TLK2: variants seen among roughly 807,000 people sequenced by gnomAD.
TLK2 encodes the protein serine/threonine-protein kinase tousled-like 2.
Under a neutral mutation model 117.3 loss-of-function variants are expected in TLK2, and 6 were observed. The observed-to-expected ratio is 0.05, with a 90% CI of 0.03 to 0.10. The LOEUF (loss-of-function observed/expected upper bound fraction) is 0.10. Ranked by LOEUF, TLK2 falls within the 10% of genes least tolerant of loss-of-function variation. The probability of loss-of-function intolerance (pLI) is 1.00; values close to 1 mark genes in which losing one functional copy is unlikely to be tolerated. For missense variants in TLK2, 299 were observed against 901.2 expected, an observed-to-expected ratio of 0.33 and a Z score of 8.56; for synonymous variants, 257 against 316.7, an observed-to-expected ratio of 0.81 and a Z score of 2.00.
chr17:62,547,880 C>T (rs1322959263), intron 7 of TLK2, among the ~76,000 whole-genome samples: 1 of 152,158 alleles, frequency 6.6e-6, no homozygotes, highest in Non-Finnish European at 1.5e-5. Flanking sequence ...TGATCAATAA[C>T]CAATGGAGGG....
chr17:62,557,468 C>T (rs537782336), intron 9 of TLK2, among the ~76,000 whole-genome samples: 3 of 152,038 alleles, frequency 2.0e-5, no homozygotes, highest in African/African-American at 7.2e-5. Context: ...TTTTTATTTA[C>T]TATTGTTATT....
intron 2 of TLK2, among the ~76,000 whole-genome samples, chr17:62,498,132 G>T (rs1184836653): frequency 6.6e-6 from 1 of 152,170 alleles, no homozygotes; most frequent in Admixed American, 6.6e-5. Flanking sequence ...AATTCTGTGT[G>T]TGTAAAATAG....
intron 16 of TLK2, among the ~76,000 whole-genome samples, chr17:62,595,674 CTG>C (rs2082425780): frequency 1.3e-5 from 2 of 151,822 alleles, no homozygotes; most frequent in African/African-American, 4.8e-5. Flanking sequence ...CAGTGGATGA[CTG>C]TATCAAATTC....
At position 62,562,608 on chromosome 17, in the gene TLK2, T is replaced by A. The variant is rs2079382557; in HGVS notation, c.832-2393T>A. On this transcript the variant is annotated intron_variant, in intron 10 of 21. Transcript: ENST00000346027. ...AACTCAAGGTAAAACCAGCGTGAGA[T>A]AGTACTACAAACCCAGTAGAATGAC... Among the ~76,000 whole-genome samples the A allele has an allele frequency of 1.3e-5, 2 of 152,124 alleles. 1 individual carries two copies. Among genetic ancestry groups the A allele is most frequent in the South Asian group, 4.1e-4 (2 of 4,824 alleles).
intron 17 of TLK2, among the ~76,000 whole-genome samples, chr17:62,597,936 CCT>C (rs1257339140): frequency 1.3e-5 from 2 of 152,186 alleles, no homozygotes; most frequent in Non-Finnish European, 2.9e-5. Flanking sequence ...GTTCCCTCAG[CCT>C]CCCAGGGTAA....
chr17:62,564,827 A>G (rs2079616448), intron 10 of TLK2, among the ~76,000 whole-genome samples, 174 bp from the exon 11 acceptor site: 1 of 152,162 alleles, frequency 6.6e-6, no homozygotes, highest in African/African-American at 2.4e-5. Flanking sequence ...TATCTTGTCT[A>G]CTTTGTTTGA....
chr17:62,556,363 A>AT (rs923142111), intron 9 of TLK2, among the ~76,000 whole-genome samples: 2 of 151,914 alleles, frequency 1.3e-5, no homozygotes, highest in African/African-American at 4.8e-5. Flanking sequence ...TATCAGCAGT[A>AT]TTTTTTTTAT....
intron 2 of TLK2, chr17:62,516,792 C>A: frequency 7.3e-7 from 1 of 1,365,626 alleles, no homozygotes; most frequent in Admixed American, 2.0e-5. Flanking sequence ...GGTCCGGGGC[C>A]GGGGCTGGAA....
At chr17:62,489,085 C>T (rs1268852282) in intron 2 of TLK2, among the ~76,000 whole-genome samples, 4 of 151,868 alleles carry the variant, frequency 2.6e-5, no homozygotes, top group Non-Finnish European at 5.9e-5. Flanking sequence ...ACAGTTTTGC[C>T]ATGTTGCCCA....
At chr17:62,583,337 C>T (rs892546043) in intron 15 of TLK2, among the ~76,000 whole-genome samples, 2 of 152,066 alleles carry the variant, frequency 1.3e-5, no homozygotes, top group East Asian at 1.9e-4. Flanking sequence ...TCAAATGATC[C>T]GCCCATCTCT....
At chr17:62,597,721 T>C (rs764144879) in intron 17 of TLK2, among the ~76,000 whole-genome samples, 4 of 152,144 alleles carry the variant, frequency 2.6e-5, no homozygotes, top group Non-Finnish European at 4.4e-5. Context: ...ATTTTATAGG[T>C]GGATTTTGAG....
At chr17:62,546,336 T>A (rs1170695656) in intron 7 of TLK2, among the ~76,000 whole-genome samples, 1 of 86,552 alleles carries the variant, frequency 1.2e-5, no homozygotes, top group Non-Finnish European at 2.4e-5. Flanking sequence ...ATTTTGAGTT[T>A]GTTGATTGTT....
chr17:62,559,924 A>G (rs1394465845), intron 9 of TLK2, 92 bp from the exon 10 acceptor site: 2 of 857,688 alleles, frequency 2.3e-6, no homozygotes, highest in African/African-American at 3.4e-5. Context: ...ATAAAACAAC[A>G]TATAGAAATG....
Position 62,564,535 on chromosome 17 carries a change from CAA to C in TLK2, c.832-444_832-443del, listed in dbSNP as rs58856005. On this transcript the variant is annotated intron_variant, in intron 10 of 21. Transcript: ENST00000346027. The stretch of plus-strand genomic sequence containing the variant: ...TGGGCAACAGAGTGAGACTTCGTCT[CAA>C]AAAAAAAAAAAAAAAAAAAAATTAT... 6.9e-3 allele frequency among the ~76,000 whole-genome samples: 437 copies of C among 63,304 alleles called. 2 individuals carry two copies. Among genetic ancestry groups the C allele is most frequent in the African/African-American group, 0.024 (356 of 15,096 alleles). The allele number at this position is 63,304 out of a possible 152,430, so 41.5% of individuals were successfully genotyped here.
intron 14 of TLK2, among the ~76,000 whole-genome samples, chr17:62,578,826 A>G (rs1332003089): frequency 6.6e-6 from 1 of 152,214 alleles, no homozygotes; most frequent in Non-Finnish European, 1.5e-5. Flanking sequence ...ATGAATAAAG[A>G]TTACTAAAAC....
rs1018454350 is a variant in TLK2 at position 62,561,460 on chromosome 17, T to A, written c.831+1334T>A. 2.0e-4 allele frequency among the ~76,000 whole-genome samples: 30 copies of A among 152,318 alleles called. 1 individual carries two copies. Among genetic ancestry groups the A allele is most frequent in the African/African-American group, 7.2e-4 (30 of 41,578 alleles). Reference sequence around the variant, plus strand: ...CTTCTGACCTCAAGTGATCCACCCGTCTCGGCCTCCCAAAGTGCTGGGATT... The same window carrying A: ...CTTCTGACCTCAAGTGATCCACCCGACTCGGCCTCCCAAAGTGCTGGGATT... On this transcript the variant is annotated intron_variant, in intron 10 of 21. Coordinates refer to ENST00000346027, the MANE Select transcript of TLK2 (RefSeq NM_006852.6).
chr17:62,563,939 G>A lies in TLK2; in HGVS notation c.832-1062G>A, dbSNP rs568025563. ...CAAAGTTTGGTAGCAGAGACCCATG[G>A]AAGATTTGGAACATCAAACTGGAAG... On this transcript the variant is annotated intron_variant, in intron 10 of 21. Coordinates refer to ENST00000346027, the MANE Select transcript of TLK2 (RefSeq NM_006852.6). Among the ~76,000 whole-genome samples, 8 of 152,276 alleles carry A rather than the reference G, an allele frequency of 5.3e-5. No individual in the cohort carries two copies. In the South Asian group the frequency reaches 1.7e-3, roughly 32 times the overall value.
intron 2 of TLK2, among the ~76,000 whole-genome samples, chr17:62,487,553 TATCTGTAAAA>T (rs1294799047): frequency 6.7e-6 from 1 of 149,248 alleles, no homozygotes; most frequent in African/African-American, 2.4e-5. Flanking sequence ...AGCAAGGAGA[TATCTGTAAAA>T]ATTTATGATA....
chr17:62,551,430 G>C (rs1271599987), intron 7 of TLK2, among the ~76,000 whole-genome samples: 1 of 152,142 alleles, frequency 6.6e-6, no homozygotes, highest in Non-Finnish European at 1.5e-5. Flanking sequence ...GTTAGGCTAG[G>C]TGTGGTGGCT....
Sources: allele counts gnomAD v4.1 joint callset (sites outside exome capture counted in the v4.1 genomes callset), GRCh38; gene constraint gnomAD v4.1.1; transcripts MANE v1.5; gene names NCBI Gene and HGNC (gene_info 2026-07-23, HGNC 2026-07-21).